Variants in SCRN1 observed in about 807,000 individuals in gnomAD.
SCRN1 encodes secernin 1, also known as secernin-1.
A neutral mutation model predicts 43.3 loss-of-function variants in SCRN1; 19 were observed. The ratio of observed to expected loss-of-function variants is 0.44; its 90% CI spans 0.31 to 0.64. The LOEUF (loss-of-function observed/expected upper bound fraction) is 0.64, where lower values mean the gene tolerates loss of function less well. Ranked by LOEUF, SCRN1 falls within the 30% of genes least tolerant of loss-of-function variation. The pLI, the probability that SCRN1 is intolerant of heterozygous loss-of-function variation, is 0.09. For missense variants in SCRN1, 447 were observed against 524.1 expected (o/e 0.85, Z 1.44); for synonymous variants, 183 against 188.9 (o/e 0.97, Z 0.26).
At position 29,955,388 on chromosome 7, in the gene SCRN1, G is replaced by A. The variant is rs752532613; in HGVS notation, c.160-28C>T. 11 of 1,605,548 alleles carry A rather than the reference G, an allele frequency of 6.9e-6. 1 individual carries two copies. Among genetic ancestry groups the A allele is most frequent in the Middle Eastern group, 1.7e-4 (1 of 6,030 alleles). On this transcript the variant is annotated intron_variant, in intron 2 of 7. Transcript: ENST00000242059. ...GAAAAACAAACACAGGAAAGAAAGC[G>A]CCATCACCTGTCAGGTACCACCTCA...
intron 4 of SCRN1, among the ~76,000 whole-genome samples, chr7:29,943,253 G>A (rs555222212): frequency 6.6e-6 from 1 of 152,262 alleles, no homozygotes; most frequent in East Asian, 1.9e-4. Context: ...TCCCTCTTAG[G>A]ACTACTTAGT....
chr7:29,940,892 AG>A lies in SCRN1; in HGVS notation c.545-17del. 2 of 1,474,744 alleles carry A rather than the reference AG, an allele frequency of 1.4e-6. No individual in the cohort carries two copies. The highest frequency in any genetic ancestry group is 1.8e-6 in the Non-Finnish European group (2 of 1,116,040). 91.4% of individuals were successfully genotyped at this position (1,474,744 alleles called of 1,614,324 possible). On this transcript the variant is annotated splice_polypyrimidine_tract_variant and intron_variant, in intron 4 of 7. Coordinates refer to ENST00000242059, the MANE Select transcript of SCRN1 (RefSeq NM_014766.5). ...CTCACTCCCTCTGCAGAGAGTGCAAAGCCCCATAAGTTAAAAATATACTTAT... is the reference window on the plus strand; with the variant it reads ...CTCACTCCCTCTGCAGAGAGTGCAAACCCCATAAGTTAAAAATATACTTAT...
intron 3 of SCRN1, among the ~76,000 whole-genome samples, chr7:29,945,455 C>A (rs1021937073): frequency 2.6e-5 from 4 of 152,204 alleles, no homozygotes; most frequent in Non-Finnish European, 4.4e-5. Flanking sequence ...CTCTGTGTGA[C>A]CTTGGGCAGG....
At chr7:29,934,821 A>T (rs1787270068) in intron 6 of SCRN1, among the ~76,000 whole-genome samples, 1 of 152,086 alleles carries the variant, frequency 6.6e-6, no homozygotes, top group Non-Finnish European at 1.5e-5. Context: ...GTGCCACGGG[A>T]GGGTGGTGGG....
In SCRN1 at chr7:29,944,083, A is replaced by G. The variant is rs774357879; in HGVS notation, c.438T>C (p.Asp146=). 5.0e-6 allele frequency: 8 copies of G among 1,614,204 alleles called. No homozygotes were observed. The South Asian group carries it at 5.5e-5, about 11-fold the overall frequency. ...EHGQGGNYFE[D]ANSCHSFQSA... ...TTTGGAAGCTGTGGCAGGAGTTTGCATCTTCAAAGTAATTCCCACCTTGTC... is the reference window on the plus strand; with the variant it reads ...TTTGGAAGCTGTGGCAGGAGTTTGCGTCTTCAAAGTAATTCCCACCTTGTC... Residue 146 remains aspartate, a synonymous_variant, in exon 4 of 8, where the codon GAT becomes GAC. Transcript: ENST00000242059.
At chr7:29,975,253 T>C (rs1420811807) in intron 1 of SCRN1, among the ~76,000 whole-genome samples, 1 of 152,212 alleles carries the variant, frequency 6.6e-6, no homozygotes, top group Non-Finnish European at 1.5e-5. Flanking sequence ...ATAACTACAT[T>C]CTACTTAAAC....
chr7:29,933,051 A>G lies in SCRN1; in HGVS notation c.905+3505T>C, dbSNP rs1787213301. 1.3e-5 allele frequency among the ~76,000 whole-genome samples: 2 copies of G among 151,048 alleles called. 1 individual carries two copies. Among genetic ancestry groups the G allele is most frequent in the South Asian group, 4.2e-4 (2 of 4,784 alleles). ...ACCACCACGCCTGGCTAATTTTTGTATTTTTTTTAGTAGAGACAGGGTTTC... is the reference window on the plus strand; with the variant it reads ...ACCACCACGCCTGGCTAATTTTTGTGTTTTTTTTAGTAGAGACAGGGTTTC... On this transcript the variant is annotated intron_variant, in intron 6 of 7. Transcript: ENST00000242059.
At chr7:29,943,537 G>A (rs938388590) in intron 4 of SCRN1, among the ~76,000 whole-genome samples, 18 of 152,046 alleles carry the variant, frequency 1.2e-4, no homozygotes, top group African/African-American at 3.6e-4. Context: ...GGCGTATACC[G>A]GTCCTCACAC....
chr7:29,957,107 G>A (rs1283439237), intron 2 of SCRN1, among the ~76,000 whole-genome samples: 3 of 152,082 alleles, frequency 2.0e-5, no homozygotes, highest in Non-Finnish European at 4.4e-5. Context: ...TTTTAAAAGG[G>A]CAGAAAAAAA....
rs1045513102 is a variant in SCRN1 at position 29,986,566 on chromosome 7, A to T, written c.-2+3076T>A. ...TCTAGACTCTAATGAAAACGGATTTAAAAAAAAATAACTTTTGTTTATCTG... is the reference window on the plus strand; with the variant it reads ...TCTAGACTCTAATGAAAACGGATTTTAAAAAAAATAACTTTTGTTTATCTG... On this transcript the variant is annotated intron_variant, in intron 1 of 7. Transcript: ENST00000242059. Among the ~76,000 whole-genome samples, 6 of 151,448 alleles carry T rather than the reference A, an allele frequency of 4.0e-5. No individual in the cohort carries two copies. In the South Asian group the frequency reaches 6.2e-4, roughly 16 times the overall value.
Position 29,923,958 on chromosome 7 carries a change from C to T in SCRN1, c.1244G>A (p.Ter415=). 1 of 1,609,262 alleles carries T rather than the reference C, an allele frequency of 6.2e-7. No individual in the cohort carries two copies. The highest frequency in any genetic ancestry group is 8.5e-7 in the Non-Finnish European group (1 of 1,178,124). The stretch of plus-strand genomic sequence containing the variant: ...AGAAGGGGAAAGGGAACGCTTACTT[C>T]ACTTAAAGAACTTAATCTCCGTGTC... ...CVDTEIKFFK[*] The change falls in exon 8 of 8, where the codon TGA becomes TAA. Residue 415 remains the stop codon, a stop_retained_variant. Coordinates refer to ENST00000242059, the MANE Select transcript of SCRN1 (RefSeq NM_014766.5).
At chr7:29,943,058 AT>A (rs1330254416) in intron 4 of SCRN1, among the ~76,000 whole-genome samples, 1 of 152,184 alleles carries the variant, frequency 6.6e-6, no homozygotes, top group Admixed American at 6.5e-5. Context: ...CCCCAACATC[AT>A]TTTGGATTAC....
rs1042753561 is a variant in SCRN1 at position 29,965,446 on chromosome 7, C to T, written c.159+3463G>A. ...GATGGACAAACAAGAGAGGGGGCAG[C>T]GGGACTCAGTGACAGCTGTCCCTGT... On this transcript the variant is annotated intron_variant, in intron 2 of 7. Transcript: ENST00000242059. This position sits in a 1 kb window ranked among gnomAD's most constrained non-coding sequence, Gnocchi z 4.2. 6.6e-6 allele frequency among the ~76,000 whole-genome samples: 1 copy of T among 151,976 alleles called. No homozygotes were observed. Among genetic ancestry groups the T allele is most frequent in the Non-Finnish European group, 1.5e-5 (1 of 67,996 alleles).
chr7:29,947,323 ACT>A, intron 3 of SCRN1: 1 of 1,550,514 alleles, frequency 6.4e-7, no homozygotes, highest in Non-Finnish European at 8.7e-7. Context: ...AACACATCTC[ACT>A]GAGAAAGATG....
chr7:29,940,695 T>G lies in SCRN1; in HGVS notation c.726A>C (p.Leu242Phe). 1 of 1,600,064 alleles carries G rather than the reference T, an allele frequency of 6.2e-7. No homozygotes were observed. The highest frequency in any genetic ancestry group is 8.5e-7 in the Non-Finnish European group (1 of 1,176,356). ...AGACTAACTCACCTTCTTGTTTTTC[T>G]AAGCTGTCTTTGCCAGCACCGCAGT... Reference protein sequence around the residue: ...HLDCGAGKDSLEKQEESITVQ... With the variant: ...HLDCGAGKDSFEKQEESITVQ... Residue 242 changes from leucine to phenylalanine, a missense_variant, in exon 5 of 8, where the codon TTA becomes TTC. Transcript: ENST00000242059.
At chr7:29,934,729 C>A (rs929962634) in intron 6 of SCRN1, among the ~76,000 whole-genome samples, 1 of 152,238 alleles carries the variant, frequency 6.6e-6, no homozygotes, top group East Asian at 1.9e-4. Context: ...GGAATAGCAA[C>A]TGGACTCAAA....
At position 29,947,073 on chromosome 7, in the gene SCRN1, G is replaced by C. The variant is rs1787759284; in HGVS notation, c.342-2894C>G. On this transcript the variant is annotated intron_variant, in intron 3 of 7. Transcript: ENST00000242059. ...ACTTTGGCTGCTACCCCTCTGCCTGGGCAGGACCAGGACAGGGAAGGGGAA... is the reference window on the plus strand; with the variant it reads ...ACTTTGGCTGCTACCCCTCTGCCTGCGCAGGACCAGGACAGGGAAGGGGAA... The C allele has an allele frequency of 2.5e-6, 3 of 1,200,246 alleles. No individual in the cohort carries two copies. The South Asian group carries it at 4.8e-5, about 19-fold the overall frequency. 74.3% of individuals were successfully genotyped at this position (1,200,246 alleles called of 1,614,324 possible).
At chr7:29,975,075 C>T (rs544765308) in intron 1 of SCRN1, among the ~76,000 whole-genome samples, 2 of 151,856 alleles carry the variant, frequency 1.3e-5, no homozygotes, top group African/African-American at 2.4e-5. Flanking sequence ...TCTCATACAA[C>T]GTTATGAAAT....
chr7:29,983,926 C>T (rs1273240879), intron 1 of SCRN1, among the ~76,000 whole-genome samples: 1 of 152,120 alleles, frequency 6.6e-6, no homozygotes, highest in African/African-American at 2.4e-5. Context: ...TTGAGATTGG[C>T]CAGGCGCAGT....
Sources: allele counts gnomAD v4.1 joint callset (sites outside exome capture counted in the v4.1 genomes callset), GRCh38; gene constraint gnomAD v4.1.1; non-coding constraint Gnocchi (gnomAD v3.1); transcripts MANE v1.5; gene names NCBI Gene and HGNC (gene_info 2026-07-23, HGNC 2026-07-21).